The following URGCP variants were observed in gnomAD, a reference collection of about 807,000 sequenced individuals.
URGCP encodes upregulator of cell proliferation.
Under a neutral mutation model 24.6 loss-of-function variants are expected in URGCP, and 13 were observed. The observed-to-expected ratio is 0.53, with a 90% CI of 0.34 to 0.84. The LOEUF (loss-of-function observed/expected upper bound fraction) is 0.84. URGCP is among the 40% of genes least tolerant of loss of function. The pLI, the probability that URGCP is intolerant of heterozygous loss-of-function variation, is 0.01. For missense variants in URGCP, 899 were observed against 1,194.3 expected (o/e 0.75, Z 3.64); for synonymous variants, 444 against 487.2 (o/e 0.91, Z 1.17).
In URGCP at chr7:43,877,060, A is replaced by G. The variant is rs1355045788; in HGVS notation, c.2403T>C (p.His801=). 6.2e-7 allele frequency: 1 copy of G among 1,614,256 alleles called. No individual in the cohort carries two copies. Among genetic ancestry groups the G allele is most frequent in the Non-Finnish European group, 8.5e-7 (1 of 1,180,040 alleles). The change falls in exon 6 of 6, where the codon CAT becomes CAC. Residue 801 remains histidine, a synonymous_variant. Transcript: ENST00000453200. The part of the protein sequence containing the change: ...ETKDIPAAIL[H]AFLRLEKTGH... ...CCGTTTTTTCTAACCTCAGAAATGCATGCAGAATAGCTGCTGGAATGTCCT... is the reference window on the plus strand; with the variant it reads ...CCGTTTTTTCTAACCTCAGAAATGCGTGCAGAATAGCTGCTGGAATGTCCT...
In URGCP at chr7:43,878,182, G is replaced by C; in HGVS notation, c.1281C>G (p.Phe427Leu). ...CAACGATGGCCCGGATCCTCTTCAC[G>C]AAGCTGTCGCTGTCAGTGCTGCTGA... ...VKVSSTDSDS[F>L]VKRIRAIVGN... is the part of the protein sequence containing the mutation. The change falls in exon 6 of 6, where the codon TTC (phenylalanine) becomes TTG (leucine). Residue 427 changes from phenylalanine (F) to leucine (L), a missense_variant. Phe to Leu is a conservative substitution (Grantham distance 22). Transcript: ENST00000453200. This position sits in a 1 kb window ranked among gnomAD's most constrained non-coding sequence, Gnocchi z 5.6. 6.2e-7 allele frequency: 1 copy of C among 1,614,230 alleles called. No homozygotes were observed. The highest frequency in any genetic ancestry group is 8.5e-7 in the Non-Finnish European group (1 of 1,180,050).
intron 1 of URGCP, among the ~76,000 whole-genome samples, chr7:43,920,238 G>A (rs903806958): frequency 6.6e-6 from 1 of 152,184 alleles, no homozygotes; most frequent in African/African-American, 2.4e-5. Flanking sequence ...CTTTAATAAA[G>A]CAGTGGATAT....
Position 43,877,689 on chromosome 7 carries a change from G to A in URGCP, c.1774C>T (p.Leu592=). 8.1e-6 allele frequency: 13 copies of A among 1,613,926 alleles called. No homozygotes were observed. Among genetic ancestry groups the A allele is most frequent in the Non-Finnish European group, 1.1e-5 (13 of 1,179,982 alleles). Residue 592 remains leucine, a synonymous_variant, in exon 6 of 6, where the codon CTG becomes TTG. Coordinates refer to ENST00000453200, the MANE Select transcript of URGCP (RefSeq NM_001077663.3). ...LRQPPETLLT[L]RPKHGGTTDV... ...GTGGTGCCCCCATGCTTTGGTCTCA[G>A]GGTGAGAAGCGTCTCCGGAGGCTGT...
At chr7:43,887,860 G>A in intron 1 of URGCP, 44 bp from the exon 2 acceptor site, 1 of 1,301,510 alleles carries the variant, frequency 7.7e-7, no homozygotes, top group Non-Finnish European at 1.1e-6. Context: ...GTTGATGCCA[G>A]CTTTATATAT....
chr7:43,926,513 G>T, upstream of URGCP: 1 of 1,524,650 alleles, frequency 6.6e-7, no homozygotes, highest in Admixed American at 2.1e-5. Context: ...GGCCGCCCGG[G>T]TCCCCGGCAG....
intron 5 of URGCP, chr7:43,881,204 C>CA: frequency 1.4e-6 from 1 of 702,784 alleles, no homozygotes; most frequent in Non-Finnish European, 2.6e-6. Context: ...GGGAAAAAGA[C>CA]AAAGAAAACA....
At chr7:43,916,699 C>A in intron 1 of URGCP, among the ~76,000 whole-genome samples, 1 of 111,858 alleles carries the variant, frequency 8.9e-6, no homozygotes, top group Non-Finnish European at 1.8e-5. Context: ...CAGATAATCC[C>A]ACTCCCTACC....
chr7:43,920,134 C>A, intron 1 of URGCP: 1 of 750,374 alleles, frequency 1.3e-6, no homozygotes, highest in Non-Finnish European at 2.2e-6. Flanking sequence ...TCACTTAGAG[C>A]ACAGATCAGG....
rs752361178 is a variant in URGCP, at chr7:43,879,305, A to T, written c.203-45T>A. 24 of 1,547,422 alleles carry T rather than the reference A, an allele frequency of 1.6e-5. No individual in the cohort carries two copies. The South Asian group carries it at 2.6e-4, about 17-fold the overall frequency. Reference sequence around the variant, plus strand: ...CATAAGTGCTCACCCTGTGTTTCTGAGCTAGGGGCCAGGGAAGAGCTGGTG... The same window carrying T: ...CATAAGTGCTCACCCTGTGTTTCTGTGCTAGGGGCCAGGGAAGAGCTGGTG... On this transcript the variant is annotated intron_variant, in intron 5 of 5. Coordinates refer to ENST00000453200, the MANE Select transcript of URGCP (RefSeq NM_001077663.3).
chr7:43,892,219 ATTTTTTT>A (rs34553486), intron 1 of URGCP, among the ~76,000 whole-genome samples: 1 of 125,366 alleles, frequency 8.0e-6, no homozygotes, highest in South Asian at 2.5e-4. Context: ...CGCCCAGCCA[ATTTTTTT>A]TTTTTTTTTT....
chr7:43,889,760 T>C (rs1398250114), intron 1 of URGCP: 2 of 152,382 alleles, frequency 1.3e-5, no homozygotes, highest in African/African-American at 4.8e-5. Context: ...AATGGCTGTT[T>C]AGTTTCATCT....
intron 1 of URGCP, among the ~76,000 whole-genome samples, chr7:43,899,997 T>C (rs571195746): frequency 2.0e-4 from 30 of 151,996 alleles, no homozygotes; most frequent in Middle Eastern, 3.4e-3. Context: ...AAATCCACAA[T>C]AGCCAGGTGT....
upstream of URGCP, among the ~76,000 whole-genome samples, chr7:43,911,486 A>G (rs917900128): frequency 3.3e-5 from 5 of 152,282 alleles, no homozygotes; most frequent in Middle Eastern, 3.4e-3. Context: ...ACCTGAGGTC[A>G]GGAGTTCAAG....
At chr7:43,892,404 C>T (rs1302440762) in intron 1 of URGCP, among the ~76,000 whole-genome samples, 1 of 151,760 alleles carries the variant, frequency 6.6e-6, no homozygotes, top group Non-Finnish European at 1.5e-5. Flanking sequence ...CAGGCATGAG[C>T]CACCGCGAAC....
intron 1 of URGCP, among the ~76,000 whole-genome samples, chr7:43,897,000 T>C (rs908978400): frequency 6.6e-6 from 1 of 152,216 alleles, no homozygotes. Flanking sequence ...ACAAAGGTTC[T>C]GCTCTTGGTT....
At position 43,876,440 on chromosome 7, in the gene URGCP, A is replaced by G; in HGVS notation, c.*227T>C. Reference sequence around the variant, plus strand: ...AGAACAAACTGCTGCTTGTCTCCCTACCCTGGGGGCTGTGATATTCTTGGT... The same window carrying G: ...AGAACAAACTGCTGCTTGTCTCCCTGCCCTGGGGGCTGTGATATTCTTGGT... On this transcript the variant is annotated 3_prime_UTR_variant, in exon 6 of 6. Coordinates refer to ENST00000453200, the MANE Select transcript of URGCP (RefSeq NM_001077663.3). 1 of 567,528 alleles carries G rather than the reference A, an allele frequency of 1.8e-6. No individual in the cohort carries two copies. 35.2% of individuals were successfully genotyped at this position (567,528 alleles called of 1,614,324 possible). A position where few individuals can be genotyped will look rare whatever the true frequency, so the allele number is the denominator to read the frequency against.
intron 1 of URGCP, among the ~76,000 whole-genome samples, chr7:43,915,637 C>T (rs376375149): frequency 1.1e-4 from 17 of 152,236 alleles, no homozygotes; most frequent in East Asian, 5.8e-4. Context: ...CAGTGTTCCA[C>T]ACCACATACC....
chr7:43,890,966 T>C (rs2095869805), intron 1 of URGCP, among the ~76,000 whole-genome samples: 1 of 152,230 alleles, frequency 6.6e-6, no homozygotes, highest in African/African-American at 2.4e-5. Flanking sequence ...TCTTCTCACT[T>C]TTCCTTTTTC....
At chr7:43,892,455 C>T (rs1484330511) in intron 1 of URGCP, among the ~76,000 whole-genome samples, 5 of 151,618 alleles carry the variant, frequency 3.3e-5, no homozygotes, top group African/African-American at 1.2e-4. Flanking sequence ...GTTTGTGGTA[C>T]CTTTGACAGG....
Sources: gnomAD v4.1 joint callset for allele counts (sites outside exome capture counted in the v4.1 genomes callset) on GRCh38, gnomAD v4.1.1 for gene constraint, Gnocchi (gnomAD v3.1) non-coding constraint, MANE v1.5 for transcripts, NCBI Gene and HGNC (gene_info 2026-07-23, HGNC 2026-07-21) for gene names.